The following NOD1 variants were observed in gnomAD, a reference collection of about 807,000 sequenced individuals.
The protein encoded by NOD1 is nucleotide binding oligomerization domain containing 1, also known as nucleotide-binding oligomerization domain-containing protein 1.
In NOD1, 70 loss-of-function variants were observed where a neutral mutation model predicts 81.2. The observed-to-expected ratio is 0.86, with a 90% confidence interval of 0.71 to 1.05. The LOEUF (loss-of-function observed/expected upper bound fraction) is 1.05. Among genes scored for constraint, NOD1 ranks in the 50% least tolerant of loss-of-function variants. NOD1 has a pLI of 0.00. For missense variants in NOD1, 1,233 were observed against 1,228.0 expected (o/e 1.00, Z -0.06); for synonymous variants, 508 against 526.9 (o/e 0.96, Z 0.49).
chr7:30,471,879 T>G (rs1162537379), intron 1 of NOD1, among the ~76,000 whole-genome samples: 2 of 152,138 alleles, frequency 1.3e-5, no homozygotes, highest in Non-Finnish European at 2.9e-5. Flanking sequence ...CCATATGCAT[T>G]TACACTCATC....
rs3757503 is a variant in NOD1, at chr7:30,458,806, G to A, written c.-122+346C>T. On this transcript the variant is annotated intron_variant, in intron 3 of 13. Transcript: ENST00000222823. ...GGCTGGAGTGCAGTGGCACAATCTC[G>A]GCTCACTGCAACATCTGCCTCCTGA... Among the ~76,000 whole-genome samples the A allele has an allele frequency of 6.0e-3, 894 of 148,134 alleles. 7 individuals carry two copies. The highest frequency in any genetic ancestry group is 9.5e-3 in the East Asian group (48 of 5,040).
intron 12 of NOD1, among the ~76,000 whole-genome samples, chr7:30,430,931 A>G (rs904255294): frequency 6.6e-6 from 1 of 152,180 alleles, no homozygotes; most frequent in Non-Finnish European, 1.5e-5. Context: ...CAAAAATAGA[A>G]CCAGGAAGTG....
At chr7:30,457,398 C>T (rs559700801) in intron 3 of NOD1, among the ~76,000 whole-genome samples, 9 of 152,140 alleles carry the variant, frequency 5.9e-5, no homozygotes, top group African/African-American at 1.4e-4. Flanking sequence ...CTGCAGTGAA[C>T]GATGATCACA....
chr7:30,446,092 C>CG (rs771984523), intron 9 of NOD1, 49 bp downstream of exon 9: 12 of 1,389,942 alleles, frequency 8.6e-6, no homozygotes, highest in Admixed American at 1.7e-5. Context: ...GGCCCGCCCC[C>CG]CACACACACA....
At chr7:30,463,465 T>G (rs1217905181) in intron 1 of NOD1, 3 of 152,650 alleles carry the variant, frequency 2.0e-5, no homozygotes, top group Non-Finnish European at 2.9e-5. Context: ...CTAACCGAAC[T>G]ATATTATATT....
At chr7:30,446,037 C>A in intron 9 of NOD1, 104 bp downstream of exon 9, 2 of 853,202 alleles carry the variant, frequency 2.3e-6, no homozygotes, top group Non-Finnish European at 4.0e-6. Context: ...CGACAGCGAG[C>A]CCCAGTGGTC....
Position 30,452,368 on chromosome 7 carries a change from C to T in NOD1, c.1049G>A (p.Arg350Gln), listed in dbSNP as rs556139791. The T allele has an allele frequency of 1.1e-5, 17 of 1,613,336 alleles. No individual in the cohort carries two copies. The highest frequency in any genetic ancestry group is 1.0e-4 in the Admixed American group (6 of 60,024). The change falls in exon 6 of 14, where the codon CGG becomes CAG. Residue 350 changes from arginine to glutamine, a missense_variant. By Grantham distance (43) the Arg-to-Gln change is conservative (BLOSUM62 1). Coordinates refer to ENST00000222823, the MANE Select transcript of NOD1 (RefSeq NM_006092.4). ...RQFLRKKVLL[R>Q]GFSPSHLRAY... ...GCGCAGGTGGCTGGGGGAGAAGCCC[C>T]GGAGAAGCACCTTCTTCCGCAGGAA...
chr7:30,470,994 A>C (rs1788217283), intron 1 of NOD1, among the ~76,000 whole-genome samples: 1 of 151,770 alleles, frequency 6.6e-6, no homozygotes, highest in Non-Finnish European at 1.5e-5. Context: ...TCAAGTGAAA[A>C]GCACTCCACA....
intron 5 of NOD1, among the ~76,000 whole-genome samples, chr7:30,454,606 A>T (rs1372738841): frequency 1.3e-5 from 2 of 152,174 alleles, no homozygotes; most frequent in Non-Finnish European, 2.9e-5. Context: ...CTTTGCCTAG[A>T]ATCAAACCTG....
At chr7:30,430,148 G>C (rs988459346) in intron 12 of NOD1, among the ~76,000 whole-genome samples, 8 of 152,128 alleles carry the variant, frequency 5.3e-5, no homozygotes, top group Non-Finnish European at 1.0e-4. Context: ...AAAGTTAAGA[G>C]GCTACCAACA....
chr7:30,448,245 C>A, intron 7 of NOD1, 53 bp downstream of exon 7: 1 of 1,391,472 alleles, frequency 7.2e-7, no homozygotes, highest in Non-Finnish European at 1.0e-6. Context: ...GAATTCCCTG[C>A]AGCTCTGTAT....
In NOD1 at chr7:30,429,459, T is replaced by C. The variant is rs1783754267; in HGVS notation, c.2706-2A>G. On this transcript the variant is annotated splice_acceptor_variant, in intron 12 of 13. Transcript: ENST00000222823. LOFTEE classifies it high-confidence loss of function. ...GCTGTGATCTGATTCTGGATAAGCC[T>C]GAAAGAAGAACATAACTTGTATAAA... 1 of 1,613,332 alleles carries C rather than the reference T, an allele frequency of 6.2e-7. No individual in the cohort carries two copies. The highest frequency in any genetic ancestry group is 8.5e-7 in the Non-Finnish European group (1 of 1,179,246).
intron 13 of NOD1, among the ~76,000 whole-genome samples, chr7:30,427,793 G>A (rs11532695): frequency 8.9e-4 from 135 of 152,306 alleles, no homozygotes; most frequent in African/African-American, 3.1e-3. Flanking sequence ...AGCAACTGTA[G>A]GTCTTTACTA....
Position 30,455,126 on chromosome 7 carries a change from C to T in NOD1, c.376+11G>A. The T allele has an allele frequency of 6.2e-7, 1 of 1,612,478 alleles. No individual in the cohort carries two copies. The highest frequency in any genetic ancestry group is 8.5e-7 in the Non-Finnish European group (1 of 1,179,084). ...ACTGGTGCCTGCGGTCTTGCTGGGG[C>T]TGACTCCTACCTGGGTCAGTGTTGA... On this transcript the variant is annotated intron_variant, in intron 5 of 13. Transcript: ENST00000222823.
chr7:30,472,498 A>T (rs1788376120), intron 1 of NOD1, among the ~76,000 whole-genome samples: 1 of 152,214 alleles, frequency 6.6e-6, no homozygotes, highest in Non-Finnish European at 1.5e-5. Flanking sequence ...ACTTTCCACA[A>T]GTTACAATTA....
At chr7:30,426,402 C>T (rs1227570844) in intron 13 of NOD1, among the ~76,000 whole-genome samples, 1 of 151,398 alleles carries the variant, frequency 6.6e-6, no homozygotes, top group African/African-American at 2.4e-5. Flanking sequence ...ACAAAGTTCT[C>T]CCCTAATTCC....
chr7:30,466,070 AG>A (rs1275415947), intron 1 of NOD1, among the ~76,000 whole-genome samples: 1 of 152,242 alleles, frequency 6.6e-6, no homozygotes, highest in Non-Finnish European at 1.5e-5. Context: ...TGGCGGCCAC[AG>A]GAAAAGGCCA....
At chr7:30,429,211 G>A (rs1283165993) in intron 13 of NOD1, among the ~76,000 whole-genome samples, 163 bp downstream of exon 13, 1 of 152,234 alleles carries the variant, frequency 6.6e-6, no homozygotes, top group East Asian at 1.9e-4. Context: ...TTATTTCACT[G>A]GTCTGGGCCT....
At chr7:30,462,700 G>A (rs1366105663) in intron 1 of NOD1, among the ~76,000 whole-genome samples, 1 of 152,104 alleles carries the variant, frequency 6.6e-6, no homozygotes, top group Non-Finnish European at 1.5e-5. Flanking sequence ...TGTAATCCTA[G>A]CACTTTGGGA....
Sources: gnomAD v4.1 joint callset for allele counts (sites outside exome capture counted in the v4.1 genomes callset) on GRCh38, gnomAD v4.1.1 for gene constraint, MANE v1.5 for transcripts, NCBI Gene and HGNC (gene_info 2026-07-23, HGNC 2026-07-21) for gene names.